TNS3: variants seen among roughly 807,000 people sequenced by gnomAD.
TNS3 encodes tensin-3.
A neutral mutation model predicts 140.9 loss-of-function variants in TNS3; 45 were observed. The observed-to-expected ratio is 0.32, with a 90% confidence interval of 0.25 to 0.41. The LOEUF is 0.41. Ranked by LOEUF, TNS3 falls within the 10% of genes least tolerant of loss-of-function variation. The pLI, the probability that TNS3 is intolerant of heterozygous loss-of-function variation, is 1.00. For missense variants in TNS3, 1,716 were observed against 1,906.7 expected, an observed-to-expected ratio of 0.90 and a Z score of 1.86; for synonymous variants, 815 against 788.4, an observed-to-expected ratio of 1.03 and a Z score of -0.56.
chr7:47,329,746 C>T (rs369104841), intron 20 of TNS3, among the ~76,000 whole-genome samples: 2 of 152,244 alleles, frequency 1.3e-5, no homozygotes, highest in South Asian at 2.1e-4. Flanking sequence ...GAAGGCGGCA[C>T]GGGGCGGCAC....
rs1792859391 is a variant in TNS3, at chr7:47,396,843, C to CTGGG, written c.980_981insCCCA (p.Ile328ProfsTer58). On this transcript the variant is annotated frameshift_variant, in exon 16 of 31. Transcript: ENST00000311160. LOFTEE classifies it high-confidence loss of function. The stretch of plus-strand genomic sequence containing the variant: ...GGTTCTCGTACGAGTCCCAGCGTAT[C>CTGGG]AGTGGGTCTGTTGTGTTGTAGTCCA... 1 of 1,614,070 alleles carries CTGGG rather than the reference C, an allele frequency of 6.2e-7. No individual in the cohort carries two copies. Among genetic ancestry groups the CTGGG allele is most frequent in the Non-Finnish European group, 8.5e-7 (1 of 1,180,046 alleles).
intron 1 of TNS3, among the ~76,000 whole-genome samples, chr7:47,551,694 G>A (rs1800066800): frequency 6.6e-6 from 1 of 152,240 alleles, no homozygotes; most frequent in Admixed American, 6.5e-5. Flanking sequence ...TCCACAGACA[G>A]GAGAGAAACA....
At chr7:47,317,838 G>A (rs190444404) in intron 20 of TNS3, among the ~76,000 whole-genome samples, 3 of 152,172 alleles carry the variant, frequency 2.0e-5, no homozygotes, top group African/African-American at 2.4e-5. Flanking sequence ...GAGACAGAGA[G>A]AGAGACCCAC....
intron 3 of TNS3, among the ~76,000 whole-genome samples, chr7:47,497,687 A>ACT (rs1798063605): frequency 1.4e-5 from 2 of 139,608 alleles, no homozygotes; most frequent in Non-Finnish European, 3.1e-5. Context: ...ACACACACAC[A>ACT]CACACACACA....
At chr7:47,377,044 C>T (rs1423739438) in intron 16 of TNS3, among the ~76,000 whole-genome samples, 1 of 152,156 alleles carries the variant, frequency 6.6e-6, no homozygotes, top group Non-Finnish European at 1.5e-5. Context: ...CCTGCCTGTG[C>T]CTGGACCACC....
chr7:47,502,284 G>A (rs540066148), intron 3 of TNS3, among the ~76,000 whole-genome samples: 16 of 152,266 alleles, frequency 1.1e-4, no homozygotes, highest in Non-Finnish European at 1.3e-4. Flanking sequence ...CGGCAGCTGC[G>A]GCTCTTAGCA....
At position 47,528,951 on chromosome 7, in the gene TNS3, A is replaced by C; in HGVS notation, c.-153+85T>G. On this transcript the variant is annotated intron_variant, in intron 2 of 30. Coordinates refer to ENST00000311160, the MANE Select transcript of TNS3 (RefSeq NM_022748.12). ...GGGAATTCCATGATTTAACTTTCGG[A>C]AACTCCTGAAAAAAAGTTTTCGTTT... 4 of 804,878 alleles carry C rather than the reference A, an allele frequency of 5.0e-6. No individual in the cohort carries two copies. The South Asian group carries it at 7.3e-5, about 15-fold the overall frequency. The allele number at this position is 804,878 out of a possible 1,614,324, so 49.9% of individuals were successfully genotyped here.
chr7:47,470,963 G>A (rs1006881740), intron 4 of TNS3, among the ~76,000 whole-genome samples: 1 of 150,076 alleles, frequency 6.7e-6, no homozygotes. Flanking sequence ...TTTTTTTAAT[G>A]TGTTGAAGGT....
chr7:47,332,259 G>T (rs1584418209), intron 20 of TNS3, among the ~76,000 whole-genome samples: 1 of 152,368 alleles, frequency 6.6e-6, no homozygotes, highest in South Asian at 2.1e-4. Flanking sequence ...TGGGGAGGTG[G>T]ATTACAAGGT....
At chr7:47,376,229 G>A (rs1379543240) in intron 16 of TNS3, among the ~76,000 whole-genome samples, 1 of 152,194 alleles carries the variant, frequency 6.6e-6, no homozygotes, top group Non-Finnish European at 1.5e-5. Context: ...TGGAAAGGGT[G>A]GTGGGCACAT....
At chr7:47,471,353 C>A (rs1796944446) in intron 4 of TNS3, among the ~76,000 whole-genome samples, 1 of 152,180 alleles carries the variant, frequency 6.6e-6, no homozygotes, top group African/African-American at 2.4e-5. Flanking sequence ...ATCCTGGTAA[C>A]CATCTCACCG....
At position 47,472,362 on chromosome 7, in the gene TNS3, G is replaced by A. The variant is rs953842388; in HGVS notation, c.-76+8741C>T. Among the ~76,000 whole-genome samples the A allele has an allele frequency of 2.3e-4, 35 of 152,322 alleles. 1 individual carries two copies. The highest frequency in any genetic ancestry group is 3.4e-3 in the Middle Eastern group (1 of 294). ...GAGGCCCCACTGCATGTTCCAGGTCGAATGTTCTCATAGCACGTCGTTTCC... is the reference window on the plus strand; with the variant it reads ...GAGGCCCCACTGCATGTTCCAGGTCAAATGTTCTCATAGCACGTCGTTTCC... On this transcript the variant is annotated intron_variant, in intron 4 of 30. Transcript: ENST00000311160.
chr7:47,378,271 G>A (rs984104990), intron 16 of TNS3, among the ~76,000 whole-genome samples: 6 of 152,174 alleles, frequency 3.9e-5, no homozygotes, highest in African/African-American at 1.4e-4. Flanking sequence ...GGACAGAGGA[G>A]TGCTCCATGA....
At chr7:47,313,215 T>C (rs1787206532) in intron 20 of TNS3, among the ~76,000 whole-genome samples, 1 of 152,168 alleles carries the variant, frequency 6.6e-6, no homozygotes, top group Non-Finnish European at 1.5e-5. Context: ...CAAAACCACC[T>C]CATGGGTTCT....
intron 17 of TNS3, among the ~76,000 whole-genome samples, chr7:47,348,162 ACGCACCACCTGGTACT>A (rs1216835784): frequency 5.9e-5 from 9 of 152,256 alleles, no homozygotes; most frequent in African/African-American, 2.2e-4. Flanking sequence ...GGCTGGCCCC[ACGCACCACCTGGTACT>A]CAGCTCAGAC....
intron 25 of TNS3, 68 bp from the exon 26 acceptor site, chr7:47,292,973 A>G (rs994625875): frequency 1.4e-6 from 2 of 1,394,534 alleles, no homozygotes; most frequent in Non-Finnish European, 1.0e-6. Context: ...CAGCCAATTT[A>G]TCAGCTGGAA....
At chr7:47,330,320 G>A (rs990935021) in intron 20 of TNS3, among the ~76,000 whole-genome samples, 2 of 152,190 alleles carry the variant, frequency 1.3e-5, no homozygotes, top group Non-Finnish European at 2.9e-5. Context: ...CTGGTCTCAC[G>A]CAGCTCCCAC....
At chr7:47,286,577 G>A (rs895900613) in intron 27 of TNS3, among the ~76,000 whole-genome samples, 9 of 152,144 alleles carry the variant, frequency 5.9e-5, no homozygotes, top group Non-Finnish European at 1.5e-5. Context: ...CAGACCCATG[G>A]CATGGAGTTC....
chr7:47,332,239 G>T (rs889229144), intron 20 of TNS3, among the ~76,000 whole-genome samples: 2 of 152,250 alleles, frequency 1.3e-5, no homozygotes, highest in Non-Finnish European at 2.9e-5. Flanking sequence ...GTCTAGAGGG[G>T]ATGGAACTGT....
Sources: allele counts gnomAD v4.1 joint callset (sites outside exome capture counted in the v4.1 genomes callset), GRCh38; gene constraint gnomAD v4.1.1; transcripts MANE v1.5; gene names NCBI Gene and HGNC (gene_info 2026-07-23, HGNC 2026-07-21).